CLNK: variants seen among roughly 807,000 people sequenced by gnomAD.
CLNK encodes the protein cytokine dependent hematopoietic cell linker.
A neutral mutation model predicts 68.6 loss-of-function variants in CLNK; 74 were observed. The ratio of observed to expected loss-of-function variants is 1.08; its 90% CI spans 0.89 to 1.31. The LOEUF is 1.31. CLNK is among the 50% of genes most tolerant of loss of function. The pLI is 0.00. For synonymous variants in CLNK, 198 were observed against 172.2 expected, an observed-to-expected ratio of 1.15 and a Z score of -1.17; for missense variants, 553 against 515.3, an observed-to-expected ratio of 1.07 and a Z score of -0.71.
At chr4:10,605,032 A>G (rs1176410862) in intron 2 of CLNK, among the ~76,000 whole-genome samples, 2 of 152,210 alleles carry the variant, frequency 1.3e-5, no homozygotes, top group Non-Finnish European at 2.9e-5. Context: ...GGTTTCCTGA[A>G]CAAGAAGAAA....
intron 2 of CLNK, among the ~76,000 whole-genome samples, chr4:10,609,005 T>G (rs1721900398): frequency 6.6e-6 from 1 of 152,210 alleles, no homozygotes; most frequent in South Asian, 2.1e-4. Flanking sequence ...GGGCCCCACT[T>G]AACAATACCA....
chr4:10,678,660 T>C lies in CLNK; in HGVS notation c.-43+6008A>G, dbSNP rs548968722. ...TCAGCCCAAAATCTCCTTAAGCTGA[T>C]AGGCAACTTCAGCAAAGTCTCAGGA... On this transcript the variant is annotated intron_variant, in intron 1 of 18. Transcript: ENST00000226951. 3.5e-3 allele frequency among the ~76,000 whole-genome samples: 540 copies of C among 152,280 alleles called. 5 individuals carry two copies. Among genetic ancestry groups the C allele is most frequent in the African/African-American group, 0.01 (420 of 41,546 alleles).
rs550001079 is a variant in CLNK at position 10,543,592 on chromosome 4, C to T, written c.446-1312G>A. ...ATGTCATTAAGGGCTTAATTTCAGC[C>T]CGCTCTCCACTGCACCGCCTGTTTA... On this transcript the variant is annotated intron_variant, in intron 8 of 18. Coordinates refer to ENST00000226951, the MANE Select transcript of CLNK (RefSeq NM_052964.4). Among the ~76,000 whole-genome samples the T allele has an allele frequency of 2.5e-3, 385 of 152,258 alleles. 15 individuals carry two copies. Among genetic ancestry groups the T allele is most frequent in the Admixed American group, 0.025 (380 of 15,284 alleles).
rs566459966 is a variant in CLNK at position 10,665,918 on chromosome 4, T to G, written c.11+1941A>C. On this transcript the variant is annotated intron_variant, in intron 2 of 18. Transcript: ENST00000226951. Reference sequence around the variant, plus strand: ...TTTGGGAAAAGCATCTTTGCAGATGTAGTTAAGGATCTTGATAAGAAATCA... The same window carrying G: ...TTTGGGAAAAGCATCTTTGCAGATGGAGTTAAGGATCTTGATAAGAAATCA... Among the ~76,000 whole-genome samples, 4 of 152,250 alleles carry G rather than the reference T, an allele frequency of 2.6e-5. No individual in the cohort carries two copies. The South Asian group carries it at 8.3e-4, about 32-fold the overall frequency.
intron 2 of CLNK, among the ~76,000 whole-genome samples, chr4:10,642,575 A>G (rs1723350365): frequency 6.6e-6 from 1 of 152,196 alleles, no homozygotes; most frequent in Admixed American, 6.5e-5. Flanking sequence ...AAACCTGGTC[A>G]TCTGTCTGTG....
intron 7 of CLNK, among the ~76,000 whole-genome samples, chr4:10,562,101 C>CTTTTTTTTTTT (rs11345903): frequency 4.6e-5 from 6 of 129,288 alleles, no homozygotes; most frequent in Admixed American, 8.1e-5. Flanking sequence ...TTTTTCTTTT[C>CTTTTTTTTTTT]TTTTTTTTTT....
chr4:10,524,757 G>A (rs1264736524), intron 14 of CLNK, among the ~76,000 whole-genome samples: 1 of 152,160 alleles, frequency 6.6e-6, no homozygotes, highest in African/African-American at 2.4e-5. Context: ...GCTTTAAGCT[G>A]GGGTTCCATG....
At chr4:10,567,643 G>C (rs1239038577) in intron 5 of CLNK, among the ~76,000 whole-genome samples, 1 of 152,086 alleles carries the variant, frequency 6.6e-6, no homozygotes, top group African/African-American at 2.4e-5. Context: ...AGGCAACTGT[G>C]GAATGAAGAA....
chr4:10,519,335 A>T, intron 15 of CLNK, among the ~76,000 whole-genome samples: 1 of 152,048 alleles, frequency 6.6e-6, no homozygotes, highest in Admixed American at 6.6e-5. Flanking sequence ...TTATATTTCA[A>T]GTTAAGATTC....
chr4:10,553,320 G>A lies in CLNK; in HGVS notation c.445+5087C>T, dbSNP rs557768810. 7.9e-5 allele frequency among the ~76,000 whole-genome samples: 12 copies of A among 152,176 alleles called. No homozygotes were observed. The East Asian group carries it at 9.6e-4, about 12-fold the overall frequency. ...TGGACACTTAAGTTACAAATGCTCC[G>A]TGCCATATCCCCCTCTTGGAGATCC... On this transcript the variant is annotated intron_variant, in intron 8 of 18. Coordinates refer to ENST00000226951, the MANE Select transcript of CLNK (RefSeq NM_052964.4).
chr4:10,614,603 T>A (rs1317513488), intron 2 of CLNK, among the ~76,000 whole-genome samples: 1 of 152,156 alleles, frequency 6.6e-6, no homozygotes, highest in African/African-American at 2.4e-5. Flanking sequence ...GCAGGCAGAA[T>A]CCCAGACACC....
intron 2 of CLNK, among the ~76,000 whole-genome samples, chr4:10,616,377 G>A (rs1266234834): frequency 6.6e-6 from 1 of 152,240 alleles, no homozygotes; most frequent in African/African-American, 2.4e-5. Context: ...TAACTTAACA[G>A]TATGCTGTGT....
At chr4:10,549,533 G>C (rs534390057) in intron 8 of CLNK, among the ~76,000 whole-genome samples, 1 of 152,258 alleles carries the variant, frequency 6.6e-6, no homozygotes, top group South Asian at 2.1e-4. Flanking sequence ...ATAAACAAAT[G>C]GATTGAGGAG....
At chr4:10,643,510 C>T (rs1723392514) in intron 2 of CLNK, among the ~76,000 whole-genome samples, 1 of 152,208 alleles carries the variant, frequency 6.6e-6, no homozygotes, top group African/African-American at 2.4e-5. Context: ...TCATAACTTC[C>T]TGCTTCCACA....
At chr4:10,614,933 C>T (rs1722169661) in intron 2 of CLNK, among the ~76,000 whole-genome samples, 1 of 152,136 alleles carries the variant, frequency 6.6e-6, no homozygotes, top group Non-Finnish European at 1.5e-5. Flanking sequence ...ACCTGTAATC[C>T]CAGCACTTTG....
At chr4:10,622,547 G>A (rs556799562) in intron 2 of CLNK, among the ~76,000 whole-genome samples, 1 of 152,294 alleles carries the variant, frequency 6.6e-6, no homozygotes, top group Non-Finnish European at 1.5e-5. Context: ...AGGACAGAAA[G>A]GGGGCACCCA....
intron 8 of CLNK, among the ~76,000 whole-genome samples, chr4:10,542,693 T>TAC (rs1289587598): frequency 3.3e-5 from 5 of 151,284 alleles, no homozygotes; most frequent in Non-Finnish European, 7.4e-5. Flanking sequence ...TATATATATA[T>TAC]ATATACAATT....
At chr4:10,649,342 G>A (rs1032257966) in intron 2 of CLNK, among the ~76,000 whole-genome samples, 1 of 152,136 alleles carries the variant, frequency 6.6e-6, no homozygotes, top group African/African-American at 2.4e-5. Context: ...TTCAGAGAGA[G>A]TCCAAAATCT....
chr4:10,492,221 C>A (rs1329554618), intron 18 of CLNK, among the ~76,000 whole-genome samples: 2 of 152,186 alleles, frequency 1.3e-5, no homozygotes, highest in African/African-American at 4.8e-5. Context: ...AATGAAGGCT[C>A]ACTTTTCTGG....
Sources: gnomAD v4.1 joint callset for allele counts (sites outside exome capture counted in the v4.1 genomes callset) on GRCh38, gnomAD v4.1.1 for gene constraint, MANE v1.5 for transcripts, NCBI Gene and HGNC (gene_info 2026-07-23, HGNC 2026-07-21) for gene names.